The following ABLIM2 variants were observed in gnomAD, a reference collection of about 807,000 sequenced individuals.
The protein encoded by ABLIM2 is actin-binding LIM protein 2.
ABLIM2 carries 53 observed loss-of-function variants against 97.7 expected under a neutral mutation model. The ratio of observed to expected loss-of-function variants is 0.54; its 90% CI spans 0.44 to 0.68. The LOEUF is 0.68. ABLIM2 is among the 30% of genes least tolerant of loss of function. The probability of loss-of-function intolerance (pLI) is 0.00; values close to 1 mark genes in which losing one functional copy is unlikely to be tolerated. For synonymous variants in ABLIM2, 361 were observed against 345.8 expected (o/e 1.04, Z -0.49); for missense variants, 835 against 867.2 (o/e 0.96, Z 0.47).
chr4:8,134,602 G>C lies in ABLIM2; in HGVS notation c.10+24078C>G, dbSNP rs138013612. 2.5e-3 allele frequency among the ~76,000 whole-genome samples: 381 copies of C among 152,320 alleles called. 2 individuals are homozygous for C. Among genetic ancestry groups the C allele is most frequent in the African/African-American group, 8.3e-3 (347 of 41,560 alleles). ...CAACAGAAAAATAAGCAAAGAAAGG[G>C]ACAGGAAATTCACAGAGACACAAAT... On this transcript the variant is annotated intron_variant, in intron 1 of 20. Coordinates refer to ENST00000447017, the MANE Select transcript of ABLIM2 (RefSeq NM_001130083.2).
At position 8,147,420 on chromosome 4, in the gene ABLIM2, C is replaced by T. The variant is rs990671716; in HGVS notation, c.10+11260G>A. ...GATATCCCCATCTAATCGCTAAAAC[C>T]TGTGACATATATGGTTAAAAGGGGA... is the stretch of plus-strand genomic sequence containing the variant. On this transcript the variant is annotated intron_variant, in intron 1 of 20. Transcript: ENST00000447017. The surrounding 1 kb of genome is among the most constrained non-coding windows in gnomAD (Gnocchi z 5.3). Among the ~76,000 whole-genome samples, 18 of 152,272 alleles carry T rather than the reference C, an allele frequency of 1.2e-4. No individual in the cohort carries two copies. The highest frequency in any genetic ancestry group is 2.1e-4 in the South Asian group (1 of 4,812).
Position 7,998,086 on chromosome 4 carries a change from G to T in ABLIM2, c.1619-5159C>A, listed in dbSNP as rs1328688209. The stretch of plus-strand genomic sequence containing the variant: ...AGTAGAGACGGGGTTTCTCCATGTT[G>T]ATCGGGCTCGTCTTCAACTCCTGAT... On this transcript the variant is annotated intron_variant, in intron 16 of 20. Transcript: ENST00000447017. This position sits in a 1 kb window ranked among gnomAD's most constrained non-coding sequence, Gnocchi z 6.4. Among the ~76,000 whole-genome samples, 1 of 151,942 alleles carries T rather than the reference G, an allele frequency of 6.6e-6. No individual in the cohort carries two copies. The highest frequency in any genetic ancestry group is 2.4e-5 in the African/African-American group (1 of 41,352).
chr4:8,114,837 C>T (rs1029736449), intron 1 of ABLIM2, among the ~76,000 whole-genome samples: 1 of 152,232 alleles, frequency 6.6e-6, no homozygotes, highest in African/African-American at 2.4e-5. Context: ...GTTCTGGGCA[C>T]AAGAGCACAC....
chr4:8,072,283 A>G lies in ABLIM2; in HGVS notation c.675+5345T>C, dbSNP rs957967786. 2.6e-5 allele frequency among the ~76,000 whole-genome samples: 4 copies of G among 152,228 alleles called. No individual in the cohort carries two copies. The highest frequency in any genetic ancestry group is 2.0e-4 in the Admixed American group (3 of 15,298). ...TAAATATCAGGGATGCTTACATTGC[A>G]GACATGGGACGCTTGCCTCCCAATC... On this transcript the variant is annotated intron_variant, in intron 6 of 20. Coordinates refer to ENST00000447017, the MANE Select transcript of ABLIM2 (RefSeq NM_001130083.2). This position sits in a 1 kb window ranked among gnomAD's most constrained non-coding sequence, Gnocchi z 5.8.
rs576981194 is a variant in ABLIM2 at position 8,042,453 on chromosome 4, C to T, written c.900+2711G>A. On this transcript the variant is annotated intron_variant, in intron 9 of 20. Coordinates refer to ENST00000447017, the MANE Select transcript of ABLIM2 (RefSeq NM_001130083.2). ...GGCCAAGGAGCATCTGAGCAGACGG[C>T]CCTGCTGTTTCCCCACTCAGTCTGT... Among the ~76,000 whole-genome samples the T allele has an allele frequency of 2.6e-5, 4 of 152,320 alleles. No individual in the cohort carries two copies. The East Asian group carries it at 5.8e-4, about 22-fold the overall frequency.
At chr4:8,028,304 T>C (rs1015363917) in intron 11 of ABLIM2, among the ~76,000 whole-genome samples, 6 of 152,228 alleles carry the variant, frequency 3.9e-5, no homozygotes, top group African/African-American at 1.2e-4. Flanking sequence ...CCTTGTGCTA[T>C]GGGGATTGAG....
rs191010405 is a variant in ABLIM2 at position 8,058,358 on chromosome 4, C to T, written c.763+2609G>A. ...CTGTCTGACATCACCCCGCTGGGTT[C>T]GGCCTGAGAAAGGCAGGCCTGTGTG... is the stretch of plus-strand genomic sequence containing the variant. On this transcript the variant is annotated intron_variant, in intron 7 of 20. Coordinates refer to ENST00000447017, the MANE Select transcript of ABLIM2 (RefSeq NM_001130083.2). This position sits in a 1 kb window ranked among gnomAD's most constrained non-coding sequence, Gnocchi z 4.2. Among the ~76,000 whole-genome samples the T allele has an allele frequency of 1.2e-3, 177 of 152,288 alleles. No homozygotes were observed. The highest frequency in any genetic ancestry group is 9.3e-3 in the South Asian group (45 of 4,826).
In ABLIM2 at chr4:8,149,225, C is replaced by T. The variant is rs1213268288; in HGVS notation, c.10+9455G>A. ...TCTGCTGCCTCCTGCCTCCCGTTAG[C>T]GAGAAGCCTCAGGCCCCCTGAAATC... On this transcript the variant is annotated intron_variant, in intron 1 of 20. Coordinates refer to ENST00000447017, the MANE Select transcript of ABLIM2 (RefSeq NM_001130083.2). The surrounding 1 kb of genome is among the most constrained non-coding windows in gnomAD (Gnocchi z 6.4). Among the ~76,000 whole-genome samples the T allele has an allele frequency of 2.0e-5, 3 of 152,312 alleles. No homozygotes were observed. Among genetic ancestry groups the T allele is most frequent in the South Asian group, 4.1e-4 (2 of 4,824 alleles).
rs559153544 is a variant in ABLIM2, at chr4:8,127,402, C to T, written c.11-20765G>A. On this transcript the variant is annotated intron_variant, in intron 1 of 20. Transcript: ENST00000447017. This position sits in a 1 kb window ranked among gnomAD's most constrained non-coding sequence, Gnocchi z 7.3. ...CGGCGCTCATGACCTTCACGCAGGG[C>T]ACAACTTGACTGGACCCGTCCTTTC... The T allele has an allele frequency of 5.1e-4, 539 of 1,050,566 alleles. 3 individuals carry two copies. Among genetic ancestry groups the T allele is most frequent in the African/African-American group, 4.5e-3 (276 of 60,698 alleles). The allele number at this position is 1,050,566 out of a possible 1,614,324, so 65.1% of individuals were successfully genotyped here. A position where few individuals can be genotyped will look rare whatever the true frequency, so the allele number is the denominator to read the frequency against.
intron 7 of ABLIM2, 46 bp downstream of exon 7, chr4:8,060,921 G>T: frequency 6.8e-7 from 1 of 1,477,752 alleles, no homozygotes; most frequent in East Asian, 2.5e-5. Flanking sequence ...ATCGAAGAGG[G>T]TAGTTCCTTG....
At chr4:8,090,939 C>T (rs942654305) in intron 3 of ABLIM2, among the ~76,000 whole-genome samples, 8 of 152,000 alleles carry the variant, frequency 5.3e-5, no homozygotes, top group Non-Finnish European at 8.8e-5. Flanking sequence ...CTGTTAAGCA[C>T]GGTTGCCAAC....
chr4:8,063,130 A>G (rs1804512661), intron 6 of ABLIM2, among the ~76,000 whole-genome samples: 1 of 152,120 alleles, frequency 6.6e-6, no homozygotes. Flanking sequence ...CAGTGGTGCA[A>G]TCTCAGCTCA....
rs188687124 is a variant in ABLIM2, at chr4:8,136,749, T to C, written c.10+21931A>G. Among the ~76,000 whole-genome samples, 263 of 152,338 alleles carry C rather than the reference T, an allele frequency of 1.7e-3. 1 individual carries two copies. The highest frequency in any genetic ancestry group is 5.5e-3 in the African/African-American group (229 of 41,580). On this transcript the variant is annotated intron_variant, in intron 1 of 20. Transcript: ENST00000447017. ...CATTTTCCCACTCAGTGTGGCTAAA[T>C]GTACACCTCACTGCCTAGTGCCATG...
intron 20 of ABLIM2, among the ~76,000 whole-genome samples, chr4:7,969,396 G>A (rs1387501082): frequency 6.6e-6 from 1 of 152,082 alleles, no homozygotes; most frequent in African/African-American, 2.4e-5. Flanking sequence ...TGAAGCTGCA[G>A]TGAGCTGTGA....
chr4:7,987,643 T>TG (rs1745471498), intron 17 of ABLIM2, among the ~76,000 whole-genome samples: 1 of 152,170 alleles, frequency 6.6e-6, no homozygotes, highest in African/African-American at 2.4e-5. Flanking sequence ...CTTGGACGGT[T>TG]GGAAACTCAC....
Position 8,080,855 on chromosome 4 carries a change from G to C in ABLIM2, c.455-53C>G. 5 of 1,555,980 alleles carry C rather than the reference G, an allele frequency of 3.2e-6. 1 individual carries two copies. In the South Asian group the frequency reaches 6.0e-5, roughly 19 times the overall value. Reference sequence around the variant, plus strand: ...ACCCCCACCATTGTGAGAGGTGTTGGGGAGGCCTCCTGCTCTCCACACTCC... The same window carrying C: ...ACCCCCACCATTGTGAGAGGTGTTGCGGAGGCCTCCTGCTCTCCACACTCC... On this transcript the variant is annotated intron_variant, in intron 4 of 20. Transcript: ENST00000447017.
At chr4:8,084,861 G>T (rs1294873922) in intron 4 of ABLIM2, among the ~76,000 whole-genome samples, 1 of 152,210 alleles carries the variant, frequency 6.6e-6, no homozygotes, top group Non-Finnish European at 1.5e-5. Context: ...TGAATGCAGG[G>T]TCCACCCAGG....
chr4:8,009,105 G>A lies in ABLIM2; in HGVS notation c.1424-3C>T, dbSNP rs762234554. 2.5e-6 allele frequency: 4 copies of A among 1,614,026 alleles called. No individual in the cohort carries two copies. The highest frequency in any genetic ancestry group is 3.4e-6 in the Non-Finnish European group (4 of 1,179,892). ...CTCCCCATCCGATCGCCTGGCAGCT[G>A]GAAGGGAAAAATCCATTTGTAAAGG... On this transcript the variant is annotated splice_polypyrimidine_tract_variant and splice_region_variant and intron_variant, in intron 14 of 20. Coordinates refer to ENST00000447017, the MANE Select transcript of ABLIM2 (RefSeq NM_001130083.2).
rs1265205989 is a variant in ABLIM2, at chr4:8,033,290, G to A, written c.1047+2859C>T. Among the ~76,000 whole-genome samples, 2 of 152,186 alleles carry A rather than the reference G, an allele frequency of 1.3e-5. No homozygotes were observed. Among genetic ancestry groups the A allele is most frequent in the Admixed American group, 6.5e-5 (1 of 15,284 alleles). ...GTGAGCAAGCATTGGGAAAGAGAAC[G>A]CCGTTCCCACAGCAGAGCGGGGAGG... On this transcript the variant is annotated intron_variant, in intron 10 of 20. Coordinates refer to ENST00000447017, the MANE Select transcript of ABLIM2 (RefSeq NM_001130083.2). The surrounding 1 kb of genome is among the most constrained non-coding windows in gnomAD (Gnocchi z 4.5).
Sources: gnomAD v4.1 joint callset for allele counts (sites outside exome capture counted in the v4.1 genomes callset) on GRCh38, gnomAD v4.1.1 for gene constraint, Gnocchi (gnomAD v3.1) non-coding constraint, MANE v1.5 for transcripts, NCBI Gene and HGNC (gene_info 2026-07-23, HGNC 2026-07-21) for gene names.